ASB5: variants seen among roughly 807,000 people sequenced by gnomAD.
ASB5 encodes ankyrin repeat and SOCS box protein 5.
ASB5 carries 45 observed loss-of-function variants against 42.1 expected under a neutral mutation model. That is an observed-to-expected ratio of 1.07 (90% CI 0.84 to 1.37). ASB5 has a LOEUF of 1.37. Ranked by LOEUF, ASB5 falls within the 40% of genes most tolerant of loss-of-function variation. The probability of loss-of-function intolerance (pLI) is 0.00; values close to 1 mark genes in which losing one functional copy is unlikely to be tolerated. For synonymous variants in ASB5, 147 were observed against 150.6 expected (o/e 0.98, Z 0.18); for missense variants, 402 against 399.8 (o/e 1.01, Z -0.05).
chr4:176,215,822 T>A, intron 6 of ASB5, 95 bp from the exon 7 acceptor site: 9 of 1,233,702 alleles, frequency 7.3e-6, no homozygotes, highest in Non-Finnish European at 1.0e-5. Context: ...ACTACAATGC[T>A]TTGTAGTAAA....
chr4:176,260,498 C>T (rs950695662), intron 1 of ASB5, among the ~76,000 whole-genome samples: 1 of 152,180 alleles, frequency 6.6e-6, no homozygotes, highest in Admixed American at 6.5e-5. Context: ...ATTCATTTAA[C>T]AATTTATGAT....
chr4:176,219,047 AATATATATATTTGTATGATATATAAAT>A (rs1561250674), intron 5 of ASB5, among the ~76,000 whole-genome samples: 545 of 14,534 alleles, frequency 0.037, 38 homozygotes, highest in African/African-American at 0.14. Flanking sequence ...ATGATATATA[AATATATATATTTGTATGATATATAAAT>A]ATATATATAT....
chr4:176,226,604 C>T (rs909337944), intron 1 of ASB5, among the ~76,000 whole-genome samples: 1 of 152,180 alleles, frequency 6.6e-6, no homozygotes, highest in African/African-American at 2.4e-5. Flanking sequence ...GGTTCTGTCT[C>T]TCTGGAGAAC....
intron 1 of ASB5, among the ~76,000 whole-genome samples, chr4:176,252,192 G>C (rs1198830790): frequency 6.6e-6 from 1 of 152,020 alleles, no homozygotes; most frequent in Non-Finnish European, 1.5e-5. Flanking sequence ...ATCGGGAAAA[G>C]GGACAATATG....
upstream of ASB5, among the ~76,000 whole-genome samples, chr4:176,269,642 T>TG (rs1754431145): frequency 2.3e-5 from 2 of 85,392 alleles, no homozygotes; most frequent in African/African-American, 7.8e-5. Flanking sequence ...TTTTTACTGA[T>TG]TTAAAAAAAC....
At chr4:176,235,954 A>G (rs932856823) in intron 1 of ASB5, among the ~76,000 whole-genome samples, 1 of 152,062 alleles carries the variant, frequency 6.6e-6, no homozygotes, top group Non-Finnish European at 1.5e-5. Context: ...GGCTCAAGCA[A>G]TCCTCCTGCC....
chr4:176,232,128 C>CT lies in ASB5; in HGVS notation c.197-6788dup, dbSNP rs1183365897. ...CCTATTTTATATATATATATATATA[C>CT]TTTTTTTTTTTGAGTTGGAGTTTTG... On this transcript the variant is annotated intron_variant, in intron 1 of 6. Coordinates refer to ENST00000296525, the MANE Select transcript of ASB5 (RefSeq NM_080874.4). Among the ~76,000 whole-genome samples, 739 of 98,414 alleles carry CT rather than the reference C, an allele frequency of 7.5e-3. 4 individuals are homozygous for CT. The highest frequency in any genetic ancestry group is 0.013 in the Non-Finnish European group (591 of 47,140). 64.6% of individuals were successfully genotyped at this position (98,414 alleles called of 152,430 possible).
At chr4:176,264,871 A>ATTCT (rs1052031832) in intron 1 of ASB5, among the ~76,000 whole-genome samples, 28 of 151,892 alleles carry the variant, frequency 1.8e-4, no homozygotes, top group African/African-American at 6.3e-4. Context: ...GCATCATCAG[A>ATTCT]TTCTTTCTTT....
intron 5 of ASB5, among the ~76,000 whole-genome samples, chr4:176,220,730 A>G (rs943097238): frequency 6.6e-6 from 1 of 152,208 alleles, no homozygotes. Context: ...TGAGTTTTTA[A>G]GGTTAGCAGA....
chr4:176,225,934 A>C (rs1195879603), intron 1 of ASB5, among the ~76,000 whole-genome samples: 1 of 152,070 alleles, frequency 6.6e-6, no homozygotes, highest in Non-Finnish European at 1.5e-5. Flanking sequence ...AACCCTAGTG[A>C]CTCACTAGCA....
intron 1 of ASB5, among the ~76,000 whole-genome samples, chr4:176,261,363 C>A (rs974695300): frequency 4.6e-5 from 7 of 152,134 alleles, no homozygotes; most frequent in Non-Finnish European, 1.5e-5. Flanking sequence ...GCTAGCGACC[C>A]TTTTTCATAT....
chr4:176,256,201 A>G (rs988240278), intron 1 of ASB5, among the ~76,000 whole-genome samples: 1 of 152,166 alleles, frequency 6.6e-6, no homozygotes, highest in Non-Finnish European at 1.5e-5. Flanking sequence ...GCTGAGATTC[A>G]CACCTGCCTA....
At chr4:176,237,307 A>C (rs567761321) in intron 1 of ASB5, 1 of 985,890 alleles carries the variant, frequency 1.0e-6, no homozygotes, top group South Asian at 4.7e-5. Context: ...GACTGGTCAG[A>C]ATACCCCAGC....
chr4:176,253,223 A>G (rs759457186), intron 1 of ASB5, among the ~76,000 whole-genome samples: 5 of 152,198 alleles, frequency 3.3e-5, no homozygotes, highest in Admixed American at 2.0e-4. Flanking sequence ...ATATACCTCA[A>G]TTTTTAAAAA....
Position 176,213,711 on chromosome 4 carries a change from A to T in ASB5, c.*1889T>A, listed in dbSNP as rs895030079. ...AATAATAATCACACTTTAATATAATAACAAACATACAATACATTAAAGTTA... is the reference window on the plus strand; with the variant it reads ...AATAATAATCACACTTTAATATAATTACAAACATACAATACATTAAAGTTA... On this transcript the variant is annotated 3_prime_UTR_variant, in exon 7 of 7. Transcript: ENST00000296525. 2.0e-5 allele frequency: 3 copies of T among 152,118 alleles called. No homozygotes were observed. The highest frequency in any genetic ancestry group is 6.6e-5 in the Admixed American group (1 of 15,256). The allele number at this position is 152,118 out of a possible 1,614,324, so 9.4% of individuals were successfully genotyped here. A position where few individuals can be genotyped will look rare whatever the true frequency, so the allele number is the denominator to read the frequency against.
chr4:176,219,281 T>C (rs1453088447), intron 5 of ASB5, among the ~76,000 whole-genome samples: 2 of 110,378 alleles, frequency 1.8e-5, no homozygotes, highest in East Asian at 5.0e-4. Flanking sequence ...TTGTATGATA[T>C]ATAAATATAT....
chr4:176,219,419 A>ATTTGTATGATATGTAAATATATATATT, intron 5 of ASB5, among the ~76,000 whole-genome samples: 1 of 43,512 alleles, frequency 2.3e-5, no homozygotes, highest in African/African-American at 7.1e-5. Flanking sequence ...AAATATATAT[A>ATTTGTATGATATGTAAATATATATATT]TGTATGATAT....
At chr4:176,221,929 T>C (rs1753224591) in intron 3 of ASB5, among the ~76,000 whole-genome samples, 1 of 152,094 alleles carries the variant, frequency 6.6e-6, no homozygotes, top group African/African-American at 2.4e-5. Context: ...GTAATGATGA[T>C]GAAGTTGTAA....
intron 1 of ASB5, among the ~76,000 whole-genome samples, chr4:176,246,653 G>C (rs1378898792): frequency 6.6e-6 from 1 of 152,190 alleles, no homozygotes; most frequent in Non-Finnish European, 1.5e-5. Context: ...TGAATGTCTA[G>C]ATGTGTACAC....
Sources: allele counts gnomAD v4.1 joint callset (sites outside exome capture counted in the v4.1 genomes callset), GRCh38; gene constraint gnomAD v4.1.1; transcripts MANE v1.5; gene names NCBI Gene and HGNC (gene_info 2026-07-23, HGNC 2026-07-21).